Variants in NMNAT2 observed in about 807,000 individuals in gnomAD.
NMNAT2 encodes the protein nicotinamide/nicotinic acid mononucleotide adenylyltransferase 2.
A neutral mutation model predicts 41.6 loss-of-function variants in NMNAT2; 11 were observed. That is an observed-to-expected ratio of 0.26 (90% CI 0.17 to 0.44). The LOEUF is 0.44. NMNAT2 is among the 20% of genes least tolerant of loss of function. NMNAT2 has a pLI of 1.00. For synonymous variants in NMNAT2, 148 were observed against 151.2 expected (o/e 0.98, Z 0.16); for missense variants, 288 against 407.7 (o/e 0.71, Z 2.53).
intron 1 of NMNAT2, among the ~76,000 whole-genome samples, chr1:183,339,933 C>T (rs1662758693): frequency 6.6e-6 from 1 of 151,888 alleles, no homozygotes. Flanking sequence ...ATTGCTATCA[C>T]TAACAATCAA....
chr1:183,356,360 T>C (rs1663184700), intron 1 of NMNAT2, among the ~76,000 whole-genome samples: 1 of 152,156 alleles, frequency 6.6e-6, no homozygotes, highest in South Asian at 2.1e-4. Context: ...AGGTGAACAG[T>C]CAGCCTGTTG....
At chr1:183,332,834 G>A (rs557566882) in intron 1 of NMNAT2, among the ~76,000 whole-genome samples, 8 of 152,232 alleles carry the variant, frequency 5.3e-5, no homozygotes, top group Admixed American at 6.5e-5. Context: ...CCCAGGTCGG[G>A]GTGCACTGCC....
intron 1 of NMNAT2, among the ~76,000 whole-genome samples, chr1:183,364,126 T>C (rs1663365629): frequency 6.6e-6 from 1 of 152,234 alleles, no homozygotes; most frequent in Non-Finnish European, 1.5e-5. Context: ...TAACTGCACT[T>C]AGTCACTAAT....
At chr1:183,262,305 C>T (rs2102281984) in intron 8 of NMNAT2, among the ~76,000 whole-genome samples, 1 of 20,148 alleles carries the variant, frequency 5.0e-5, no homozygotes, top group South Asian at 6.0e-3. Flanking sequence ...TTAGAGAATC[C>T]AGAAAAAAAA....
At chr1:183,337,761 A>G (rs1378318787) in intron 1 of NMNAT2, among the ~76,000 whole-genome samples, 1 of 152,160 alleles carries the variant, frequency 6.6e-6, no homozygotes, top group African/African-American at 2.4e-5. Flanking sequence ...ACCTTTTGCC[A>G]TCAATACTTT....
rs200629411 is a variant in NMNAT2, at chr1:183,248,274, C to T, written c.*4367G>A. ...GTCTTATTTATTAACATAATTGAAA[C>T]ATTTTGCATAAAACTCTTGCCCATG... is the stretch of plus-strand genomic sequence containing the variant. On this transcript the variant is annotated 3_prime_UTR_variant, in exon 11 of 11. Coordinates refer to ENST00000287713, the MANE Select transcript of NMNAT2 (RefSeq NM_015039.4). The T allele has an allele frequency of 6.6e-6, 1 of 152,594 alleles. No homozygotes were observed. The highest frequency in any genetic ancestry group is 1.5e-5 in the Non-Finnish European group (1 of 68,024). The allele number at this position is 152,594 out of a possible 1,614,324, so 9.5% of individuals were successfully genotyped here. A position where few individuals can be genotyped will look rare whatever the true frequency, so the allele number is the denominator to read the frequency against.
chr1:183,274,216 C>T (rs1032654929), intron 8 of NMNAT2, among the ~76,000 whole-genome samples: 5 of 151,762 alleles, frequency 3.3e-5, no homozygotes, highest in African/African-American at 4.8e-5. Context: ...CCTGGCTGGC[C>T]AGCTCTATTT....
At chr1:183,386,450 C>T (rs1004833868) in intron 1 of NMNAT2, among the ~76,000 whole-genome samples, 2 of 152,048 alleles carry the variant, frequency 1.3e-5, no homozygotes, top group Admixed American at 6.5e-5. Context: ...GCTATTTATG[C>T]TAAGTTTGAG....
intron 6 of NMNAT2, 90 bp downstream of exon 6, chr1:183,284,620 G>A (rs1270823198): frequency 9.2e-7 from 1 of 1,085,072 alleles, no homozygotes; most frequent in Non-Finnish European, 1.4e-6. Flanking sequence ...TGCGGTGGGG[G>A]GAATGTGCTT....
At chr1:183,308,882 T>C (rs917201914) in intron 1 of NMNAT2, among the ~76,000 whole-genome samples, 4 of 152,150 alleles carry the variant, frequency 2.6e-5, no homozygotes, top group Non-Finnish European at 5.9e-5. Context: ...AGGAGCTTTG[T>C]AGCCCCTGAG....
intron 1 of NMNAT2, among the ~76,000 whole-genome samples, chr1:183,414,949 A>G (rs1025822774): frequency 2.4e-4 from 36 of 152,222 alleles, no homozygotes; most frequent in Admixed American, 3.9e-4. Flanking sequence ...AAAAAAAATT[A>G]TTACAAATTT....
intron 10 of NMNAT2, among the ~76,000 whole-genome samples, chr1:183,255,113 C>T (rs948017622): frequency 6.6e-6 from 1 of 152,180 alleles, no homozygotes; most frequent in Non-Finnish European, 1.5e-5. Flanking sequence ...AGATAAGGTC[C>T]AATTTCATTC....
intron 1 of NMNAT2, among the ~76,000 whole-genome samples, chr1:183,325,172 G>A (rs1662436137): frequency 6.6e-6 from 1 of 152,220 alleles, no homozygotes; most frequent in African/African-American, 2.4e-5. Context: ...ATTTAGCCCA[G>A]CCCCTGGATT....
chr1:183,418,113 C>T, intron 1 of NMNAT2, 70 bp downstream of exon 1: 3 of 1,456,896 alleles, frequency 2.1e-6, no homozygotes, highest in South Asian at 1.1e-5. Flanking sequence ...TTCGATCGCC[C>T]TGGAAAACAC....
intron 10 of NMNAT2, among the ~76,000 whole-genome samples, chr1:183,255,917 G>A (rs777918084): frequency 1.6e-4 from 24 of 151,822 alleles, no homozygotes; most frequent in Admixed American, 9.8e-4. Flanking sequence ...ACCTGCCTCC[G>A]CCTCCCAAAG....
Position 183,330,492 on chromosome 1 carries a change from C to G in NMNAT2, c.86-36699G>C, listed in dbSNP as rs113410944. Among the ~76,000 whole-genome samples, 937 of 152,220 alleles carry G rather than the reference C, an allele frequency of 6.2e-3. 8 individuals carry two copies. Among genetic ancestry groups the G allele is most frequent in the African/African-American group, 0.022 (899 of 41,522 alleles). On this transcript the variant is annotated intron_variant, in intron 1 of 10. Coordinates refer to ENST00000287713, the MANE Select transcript of NMNAT2 (RefSeq NM_015039.4). ...TCAGCTTGGACTGCTTCACCATGGT[C>G]CCTACCTACACTCCCTCCCCAGGGA...
chr1:183,314,846 T>G, intron 1 of NMNAT2, among the ~76,000 whole-genome samples: 1 of 152,120 alleles, frequency 6.6e-6, no homozygotes, highest in East Asian at 1.9e-4. Context: ...ACCACTGCAC[T>G]CAGGCCTGGG....
chr1:183,328,040 G>A (rs1417869540), intron 1 of NMNAT2, among the ~76,000 whole-genome samples: 1 of 152,272 alleles, frequency 6.6e-6, no homozygotes, highest in Non-Finnish European at 1.5e-5. Context: ...TAGGGCAGGC[G>A]GAGAGGTTGT....
rs543196083 is a variant in NMNAT2 at position 183,367,328 on chromosome 1, T to G, written c.85+50855A>C. ...ACAAAAGTAGTCAGGCATGGTGGCA[T>G]GTGCCTGTAGTCCCAGCTACTTGGG... On this transcript the variant is annotated intron_variant, in intron 1 of 10. Coordinates refer to ENST00000287713, the MANE Select transcript of NMNAT2 (RefSeq NM_015039.4). Among the ~76,000 whole-genome samples the G allele has an allele frequency of 1.9e-4, 29 of 152,194 alleles. No homozygotes were observed. The South Asian group carries it at 3.5e-3, about 19-fold the overall frequency.
Sources: allele counts gnomAD v4.1 joint callset (sites outside exome capture counted in the v4.1 genomes callset), GRCh38; gene constraint gnomAD v4.1.1; transcripts MANE v1.5; gene names NCBI Gene and HGNC (gene_info 2026-07-23, HGNC 2026-07-21).